Variants in TAB2 observed in about 807,000 individuals in gnomAD.
TAB2 encodes the protein TGF-beta-activated kinase 1 and MAP3K7-binding protein 2.
Under a neutral mutation model 65.0 loss-of-function variants are expected in TAB2, and 3 were observed. The observed-to-expected ratio is 0.05, with a 90% confidence interval of 0.02 to 0.12. The LOEUF is 0.12. TAB2 is among the 10% of genes least tolerant of loss of function. TAB2 has a pLI of 1.00. For synonymous variants in TAB2, 298 were observed against 285.1 expected, an observed-to-expected ratio of 1.05 and a Z score of -0.46; for missense variants, 623 against 840.3, an observed-to-expected ratio of 0.74 and a Z score of 3.20.
rs573087020 is a variant in TAB2, at chr6:149,378,713, A to C, written c.798A>C (p.Ser266=). 1 of 1,614,016 alleles carries C rather than the reference A, an allele frequency of 6.2e-7. No homozygotes were observed. The highest frequency in any genetic ancestry group is 1.1e-5 in the South Asian group (1 of 91,070). Residue 266 remains serine (S), a synonymous_variant, in exon 3 of 7, where the codon TCA becomes TCC. Transcript: ENST00000637181. ...CTTGTCCTGCATCTAATCCTCTGTC[A>C]CATACCTCATCTCAACAGCCAAATC... ...WTTCPASNPL[S]HTSSQQPNQQ...
At chr6:149,387,691 C>T (rs1483886965) in intron 3 of TAB2, among the ~76,000 whole-genome samples, 1 of 152,074 alleles carries the variant, frequency 6.6e-6, no homozygotes, top group African/African-American at 2.4e-5. Context: ...TACATACTTG[C>T]TTTTTTAAAA....
chr6:149,397,823 A>G (rs1038549015), intron 4 of TAB2, 59 bp downstream of exon 4: 33 of 1,596,140 alleles, frequency 2.1e-5, no homozygotes, highest in East Asian at 4.5e-5. Context: ...GCCATCTAAC[A>G]TAAGTGTAAT....
chr6:149,380,891 G>A (rs1311402957), intron 3 of TAB2, among the ~76,000 whole-genome samples: 1 of 152,158 alleles, frequency 6.6e-6, no homozygotes, highest in East Asian at 1.9e-4. Flanking sequence ...AGCTACACTA[G>A]TGATTCTTAG....
chr6:149,360,247 G>A (rs1780798519), intron 1 of TAB2, among the ~76,000 whole-genome samples: 1 of 152,028 alleles, frequency 6.6e-6, no homozygotes, highest in South Asian at 2.1e-4. Context: ...TTGCTATAAA[G>A]AAGTACCCAA....
intron 1 of TAB2, among the ~76,000 whole-genome samples, chr6:149,289,437 C>T (rs1383565527): frequency 6.6e-6 from 1 of 152,072 alleles, no homozygotes; most frequent in Non-Finnish European, 1.5e-5. Context: ...CCTAAAGTCC[C>T]TCATAGATCA....
rs373105616 is a variant in TAB2 at position 149,296,653 on chromosome 6, G to A, written c.-121+77877G>A. On this transcript the variant is annotated intron_variant, in intron 1 of 1. Coordinates refer to the TAB2 transcript ENST00000606202. ...CACATAAGTTATTATTAAAGAAAAT[G>A]GGTGTTAGTTCAGAGGAAAGGAGAA... Among the ~76,000 whole-genome samples, 54 of 152,276 alleles carry A rather than the reference G, an allele frequency of 3.5e-4. 1 individual carries two copies. The East Asian group carries it at 9.6e-3, about 27-fold the overall frequency.
intron 1 of TAB2, among the ~76,000 whole-genome samples, chr6:149,254,015 A>T (rs1438308141): frequency 6.9e-6 from 1 of 144,272 alleles, no homozygotes; most frequent in African/African-American, 2.5e-5. Context: ...AGAAAGAAAG[A>T]AAGAAAGAAA....
rs1050711741 is a variant in TAB2 at position 149,272,316 on chromosome 6, G to A, written c.-121+53540G>A. 4.6e-5 allele frequency among the ~76,000 whole-genome samples: 7 copies of A among 152,160 alleles called. No individual in the cohort carries two copies. In the East Asian group the frequency reaches 5.8e-4, roughly 13 times the overall value. The stretch of plus-strand genomic sequence containing the variant: ...TTGGTTCTAACAAATTAGCACAAAC[G>A]TAGGGACTTAAACAACGCAGACATA... On this transcript the variant is annotated intron_variant, in intron 1 of 1. Coordinates refer to the TAB2 transcript ENST00000606202.
At chr6:149,271,675 A>G (rs1253141081) in intron 1 of TAB2, among the ~76,000 whole-genome samples, 1 of 152,134 alleles carries the variant, frequency 6.6e-6, no homozygotes, top group African/African-American at 2.4e-5. Flanking sequence ...CTGGACAATC[A>G]TGTGCTCTGC....
intron 1 of TAB2, among the ~76,000 whole-genome samples, chr6:149,339,599 TTATTTA>T (rs1780046624): frequency 1.8e-5 from 1 of 54,760 alleles, no homozygotes; most frequent in African/African-American, 6.4e-5. Context: ...ATTTATTTAT[TTATTTA>T]TTTTTTTTTT....
At chr6:149,233,692 T>C (rs1016821833) in intron 1 of TAB2, among the ~76,000 whole-genome samples, 1 of 152,350 alleles carries the variant, frequency 6.6e-6, no homozygotes, top group Admixed American at 6.5e-5. Context: ...CTTCACAATA[T>C]ACTTGTTTAT....
rs1304475512 is a variant in TAB2 at position 149,308,825 on chromosome 6, C to T, written c.-120-69193C>T. ...ACAGGGGTGAGCCACCACGTCCGGCCGATATTTTCTTTTTAAAAAATTCTC... is the reference window on the plus strand; with the variant it reads ...ACAGGGGTGAGCCACCACGTCCGGCTGATATTTTCTTTTTAAAAAATTCTC... On this transcript the variant is annotated intron_variant, in intron 1 of 1. Transcript: ENST00000606202. 2.0e-5 allele frequency among the ~76,000 whole-genome samples: 3 copies of T among 152,038 alleles called. No individual in the cohort carries two copies. The East Asian group carries it at 5.8e-4, about 29-fold the overall frequency.
chr6:149,371,626 A>G (rs879721026), intron 2 of TAB2, among the ~76,000 whole-genome samples: 4 of 152,068 alleles, frequency 2.6e-5, no homozygotes, highest in Non-Finnish European at 1.5e-5. Flanking sequence ...CATTTCCTCC[A>G]CTGTACAGTG....
intron 1 of TAB2, among the ~76,000 whole-genome samples, chr6:149,259,978 A>T (rs554846909): frequency 6.6e-6 from 1 of 152,302 alleles, no homozygotes; most frequent in South Asian, 2.1e-4. Context: ...TGAGTAATAT[A>T]AGACTACCAG....
In TAB2 at chr6:149,361,191, C is replaced by A. The variant is rs372676047; in HGVS notation, c.-89-8718C>A. ...GGCCTCCAACTCCACATTTTCCCTC[C>A]CTACAGCCCTAGTAGAGGTTTTTTT... On this transcript the variant is annotated intron_variant, in intron 1 of 6. Coordinates refer to ENST00000637181, the MANE Select transcript of TAB2 (RefSeq NM_001292034.3). Among the ~76,000 whole-genome samples, 9 of 152,346 alleles carry A rather than the reference C, an allele frequency of 5.9e-5. No homozygotes were observed. The South Asian group carries it at 1.9e-3, about 32-fold the overall frequency.
rs140160276 is a variant in TAB2, at chr6:149,399,997, CAAAGTA to C, written c.1939+816_1939+821del. Among the ~76,000 whole-genome samples the C allele has an allele frequency of 3.9e-4, 59 of 152,196 alleles. No individual in the cohort carries two copies. In the East Asian group the frequency reaches 0.011, roughly 29 times the overall value. On this transcript the variant is annotated intron_variant, in intron 6 of 6. Coordinates refer to ENST00000637181, the MANE Select transcript of TAB2 (RefSeq NM_001292034.3). ...ATAGAAGAGTATAACCAAATATAAT[CAAAGTA>C]AATCACGATTAAACGTTGTCGAATA... is the stretch of plus-strand genomic sequence containing the variant.
chr6:149,306,269 G>A (rs757567215), intron 1 of TAB2, among the ~76,000 whole-genome samples: 36 of 152,044 alleles, frequency 2.4e-4, no homozygotes, highest in South Asian at 4.1e-4. Context: ...GGCCGGGTGC[G>A]GTGGCTCACG....
At chr6:149,357,419 G>GAA (rs1490716055) in intron 1 of TAB2, among the ~76,000 whole-genome samples, 3 of 91,886 alleles carry the variant, frequency 3.3e-5, no homozygotes, top group African/African-American at 1.0e-4. Flanking sequence ...CCGTCTCAAG[G>GAA]AGAAAAAAAA....
intron 1 of TAB2, among the ~76,000 whole-genome samples, chr6:149,236,393 C>T (rs1257206118): frequency 6.6e-6 from 1 of 152,176 alleles, no homozygotes; most frequent in Non-Finnish European, 1.5e-5. Flanking sequence ...ATGTCAGAAT[C>T]ATGGGAGGAG....
Sources: allele counts gnomAD v4.1 joint callset (sites outside exome capture counted in the v4.1 genomes callset), GRCh38; gene constraint gnomAD v4.1.1; transcripts MANE v1.5; gene names NCBI Gene and HGNC (gene_info 2026-07-23, HGNC 2026-07-21).